The following SAMMSON variants were observed in gnomAD, a reference collection of about 807,000 sequenced individuals.
The protein encoded by SAMMSON is long intergenic non-protein coding RNA 1212.
chr3:70,293,667 C>G (rs563660650), intron 7 of SAMMSON, among the ~76,000 whole-genome samples: 2 of 152,114 alleles, frequency 1.3e-5, no homozygotes, highest in South Asian at 4.1e-4. Context: ...TCCTTTCCTT[C>G]CATTTTCTCT....
At chr3:70,401,864 G>C (rs1328242724) in intron 2 of SAMMSON, among the ~76,000 whole-genome samples, 1 of 152,128 alleles carries the variant, frequency 6.6e-6, no homozygotes, top group Non-Finnish European at 1.5e-5. Context: ...AAAAAGTCAT[G>C]AGCAAACATT....
chr3:70,303,242 G>A (rs920507200), intron 7 of SAMMSON, among the ~76,000 whole-genome samples: 4 of 151,956 alleles, frequency 2.6e-5, no homozygotes, highest in South Asian at 4.2e-4. Context: ...TCTGATGCTC[G>A]AACCCTGAAT....
intron 4 of SAMMSON, among the ~76,000 whole-genome samples, chr3:70,159,119 T>A (rs540938370): frequency 1.1e-4 from 17 of 152,288 alleles, no homozygotes; most frequent in Admixed American, 8.5e-4. Flanking sequence ...CAACCTTTTT[T>A]GATACCCAAA....
At chr3:70,374,017 C>T (rs1266039551) in intron 9 of SAMMSON, among the ~76,000 whole-genome samples, 3 of 152,134 alleles carry the variant, frequency 2.0e-5, no homozygotes, top group Non-Finnish European at 2.9e-5. Flanking sequence ...CAGGTTCAAG[C>T]GATTCTCCTG....
At chr3:70,107,870 A>G (rs1162149641) in intron 4 of SAMMSON, among the ~76,000 whole-genome samples, 1 of 152,114 alleles carries the variant, frequency 6.6e-6, no homozygotes, top group Non-Finnish European at 1.5e-5. Context: ...TAAATTGAAG[A>G]CATCCTGCAA....
chr3:70,006,705 C>T (rs565773409), intron 1 of SAMMSON, among the ~76,000 whole-genome samples: 7 of 151,854 alleles, frequency 4.6e-5, no homozygotes, highest in East Asian at 1.9e-4. Flanking sequence ...ATGTGCACAA[C>T]GTGCAGGTTA....
chr3:70,021,825 T>TA (rs1183734950), intron 3 of SAMMSON, among the ~76,000 whole-genome samples: 2 of 152,162 alleles, frequency 1.3e-5, no homozygotes, highest in African/African-American at 4.8e-5. Context: ...AATCTTGACT[T>TA]AAAAAAACTA....
intron 3 of SAMMSON, among the ~76,000 whole-genome samples, chr3:70,067,177 G>T (rs568704735): frequency 2.0e-5 from 3 of 151,936 alleles, no homozygotes; most frequent in Non-Finnish European, 4.4e-5. Flanking sequence ...ACTTGGCACA[G>T]GTATCGGAGA....
chr3:70,371,601 T>C (rs1038562539), intron 9 of SAMMSON, among the ~76,000 whole-genome samples: 1 of 152,130 alleles, frequency 6.6e-6, no homozygotes, highest in Non-Finnish European at 1.5e-5. Context: ...TTAATAGCTA[T>C]TGTAAATGTA....
chr3:70,010,770 G>A (rs2066950915), intron 1 of SAMMSON, among the ~76,000 whole-genome samples: 1 of 152,138 alleles, frequency 6.6e-6, no homozygotes, highest in African/African-American at 2.4e-5. Context: ...CATTGTCGGG[G>A]AGGCCTCAGG....
intron 4 of SAMMSON, among the ~76,000 whole-genome samples, chr3:70,215,139 T>C (rs1038972243): frequency 6.6e-6 from 1 of 152,150 alleles, no homozygotes; most frequent in African/African-American, 2.4e-5. Context: ...TTAAAGTCTC[T>C]TATGTGCATT....
chr3:70,078,830 C>G (rs1402821025), intron 4 of SAMMSON, among the ~76,000 whole-genome samples: 1 of 152,162 alleles, frequency 6.6e-6, no homozygotes, highest in African/African-American at 2.4e-5. Context: ...CTGGGCAACT[C>G]TCTTGCCTCA....
chr3:70,119,754 A>C (rs1436881085), intron 4 of SAMMSON, among the ~76,000 whole-genome samples: 1 of 152,206 alleles, frequency 6.6e-6, no homozygotes, highest in African/African-American at 2.4e-5. Context: ...CACATTATCT[A>C]TGTATATATC....
chr3:70,126,471 T>G, intron 4 of SAMMSON: 2 of 659,734 alleles, frequency 3.0e-6, no homozygotes, highest in Non-Finnish European at 5.6e-6. Context: ...TTGAAGTACT[T>G]CAGCAAGTCC....
intron 4 of SAMMSON, among the ~76,000 whole-genome samples, chr3:70,191,306 A>C (rs560502676): frequency 6.6e-6 from 1 of 152,344 alleles, no homozygotes; most frequent in African/African-American, 2.4e-5. Context: ...TTTTGAGATA[A>C]AAGGTCTAAG....
intron 2 of SAMMSON, among the ~76,000 whole-genome samples, chr3:70,399,252 C>T (rs1701118850): frequency 6.6e-6 from 1 of 152,110 alleles, no homozygotes; most frequent in Non-Finnish European, 1.5e-5. Context: ...CACTAGTGGG[C>T]AAATTCCAGT....
chr3:70,015,712 C>T lies in SAMMSON; in HGVS notation n.417+2040C>T, dbSNP rs532526807. Among the ~76,000 whole-genome samples, 18 of 152,120 alleles carry T rather than the reference C, an allele frequency of 1.2e-4. No individual in the cohort carries two copies. The South Asian group carries it at 3.1e-3, about 26-fold the overall frequency. On this transcript the variant is annotated intron_variant and non_coding_transcript_variant, in intron 3 of 9. Transcript: ENST00000642114. ...TATATCTCCTAATGCTATCCCTCCC[C>T]GCTTCCCCACCCCACGACAGGCCCC...
At chr3:70,031,389 TAGG>T (rs1326501063) in intron 3 of SAMMSON, among the ~76,000 whole-genome samples, 2 of 151,622 alleles carry the variant, frequency 1.3e-5, no homozygotes, top group Non-Finnish European at 2.9e-5. Flanking sequence ...TTGGGGGAGA[TAGG>T]GGGTATGGAG....
At chr3:70,431,787 A>G (rs1701414465) in intron 2 of SAMMSON, among the ~76,000 whole-genome samples, 1 of 152,014 alleles carries the variant, frequency 6.6e-6, no homozygotes, top group Non-Finnish European at 1.5e-5. Flanking sequence ...AATTTCTATC[A>G]CAATGGATTA....
Sources: gnomAD v4.1 joint callset for allele counts (sites outside exome capture counted in the v4.1 genomes callset) on GRCh38, gnomAD v4.1.1 for gene constraint, MANE v1.5 for transcripts, NCBI Gene and HGNC (gene_info 2026-07-23, HGNC 2026-07-21) for gene names.